The following ITSN2 variants were observed in gnomAD, a reference collection of about 807,000 sequenced individuals.
ITSN2 encodes the protein intersectin-2.
A neutral mutation model predicts 243.7 loss-of-function variants in ITSN2; 156 were observed. That is an observed-to-expected ratio of 0.64 (90% confidence interval 0.56 to 0.73). The LOEUF (loss-of-function observed/expected upper bound fraction) is 0.73. Ranked by LOEUF, ITSN2 falls within the 30% of genes least tolerant of loss-of-function variation. ITSN2 has a pLI of 0.00. For missense variants in ITSN2, 1,801 were observed against 1,996.1 expected (o/e 0.90, Z 1.86); for synonymous variants, 703 against 699.9 (o/e 1.00, Z -0.07).
At chr2:24,308,300 T>C (rs777816633) in intron 8 of ITSN2, among the ~76,000 whole-genome samples, 3 of 152,222 alleles carry the variant, frequency 2.0e-5, no homozygotes, top group Non-Finnish European at 4.4e-5. Context: ...CACTCTCTCT[T>C]GTGACCCGTG....
intron 1 of ITSN2, among the ~76,000 whole-genome samples, 176 bp from the exon 2 acceptor site, chr2:24,328,291 A>G (rs905868196): frequency 3.9e-5 from 6 of 152,152 alleles, no homozygotes; most frequent in Non-Finnish European, 7.4e-5. Context: ...AGGGTAAGAG[A>G]TTTTGTTGGG....
rs1191886593 is a variant in ITSN2 at position 24,301,946 on chromosome 2, C to T, written c.995+19G>A. 2.5e-6 allele frequency: 4 copies of T among 1,592,360 alleles called. No individual in the cohort carries two copies. In the South Asian group the frequency reaches 4.6e-5, roughly 18 times the overall value. The stretch of plus-strand genomic sequence containing the variant: ...CCAAGTTATCAAAACCATAGTTCTC[C>T]ACCTCCAGGCACACTCACCTGAAAG... On this transcript the variant is annotated intron_variant, in intron 10 of 39. Coordinates refer to ENST00000355123, the MANE Select transcript of ITSN2 (RefSeq NM_006277.3).
At chr2:24,308,390 T>A (rs1181647181) in intron 8 of ITSN2, among the ~76,000 whole-genome samples, 1 of 152,236 alleles carries the variant, frequency 6.6e-6, no homozygotes, top group East Asian at 1.9e-4. Flanking sequence ...TGGGGGTATA[T>A]CTGGTGCCCG....
At chr2:24,316,012 C>G (rs1195006412) in intron 2 of ITSN2, among the ~76,000 whole-genome samples, 1 of 152,268 alleles carries the variant, frequency 6.6e-6, no homozygotes, top group East Asian at 1.9e-4. Flanking sequence ...AAAGGTAACA[C>G]TGAGGCAGAG....
intron 20 of ITSN2, among the ~76,000 whole-genome samples, chr2:24,265,524 T>C (rs1676561173): frequency 6.6e-6 from 1 of 152,224 alleles, no homozygotes; most frequent in African/African-American, 2.4e-5. Context: ...TAGATTATCA[T>C]GTCTTCTGCA....
intron 1 of ITSN2, among the ~76,000 whole-genome samples, chr2:24,351,679 G>C (rs76624327): frequency 6.6e-6 from 1 of 152,092 alleles, no homozygotes; most frequent in African/African-American, 2.4e-5. Context: ...TGCATTGCCC[G>C]CATCTGTCCC....
intron 21 of ITSN2, 131 bp downstream of exon 21, chr2:24,261,430 G>A: frequency 1.1e-6 from 1 of 914,456 alleles, no homozygotes; most frequent in Non-Finnish European, 1.6e-6. Flanking sequence ...TATTAAATCT[G>A]GAACAAAAAG....
chr2:24,243,146 A>T (rs1441406574), intron 29 of ITSN2, among the ~76,000 whole-genome samples: 1 of 152,196 alleles, frequency 6.6e-6, no homozygotes, highest in East Asian at 1.9e-4. Flanking sequence ...TTCTTTCTCC[A>T]CAAAGATTTA....
At chr2:24,350,968 G>T (rs749708650) in intron 1 of ITSN2, among the ~76,000 whole-genome samples, 1 of 152,084 alleles carries the variant, frequency 6.6e-6, no homozygotes, top group Non-Finnish European at 1.5e-5. Context: ...AAAAAACACT[G>T]AACTGTAAAC....
intron 1 of ITSN2, among the ~76,000 whole-genome samples, chr2:24,340,546 G>C (rs1193167438): frequency 6.6e-6 from 1 of 151,624 alleles, no homozygotes; most frequent in Non-Finnish European, 1.5e-5. Flanking sequence ...CAAAATCGTC[G>C]CAGTCCCCAA....
intron 1 of ITSN2, 84 bp downstream of exon 1, chr2:24,360,220 C>G (rs866296038): frequency 6.6e-6 from 1 of 152,496 alleles, no homozygotes; most frequent in African/African-American, 2.4e-5. Context: ...CGCCTCAGCC[C>G]GACCCGCAGA....
intron 1 of ITSN2, among the ~76,000 whole-genome samples, chr2:24,330,890 C>T (rs549312180): frequency 6.6e-6 from 1 of 151,956 alleles, no homozygotes; most frequent in African/African-American, 2.4e-5. Flanking sequence ...CCTCAGCCTC[C>T]TGAGTAGCTG....
Position 24,315,581 on chromosome 2 carries a change from T to A in ITSN2, c.32-357A>T, listed in dbSNP as rs72793217. On this transcript the variant is annotated intron_variant, in intron 2 of 39. Transcript: ENST00000355123. Reference sequence around the variant, plus strand: ...AAAAATCCTAAGCAGAACTATATACTGCCATAGTTTAGCCCTGTGTCCCCA... The same window carrying A: ...AAAAATCCTAAGCAGAACTATATACAGCCATAGTTTAGCCCTGTGTCCCCA... Among the ~76,000 whole-genome samples, 383 of 152,346 alleles carry A rather than the reference T, an allele frequency of 2.5e-3. 1 individual carries two copies. Among genetic ancestry groups the A allele is most frequent in the Non-Finnish European group, 4.1e-3 (282 of 68,026 alleles).
intron 15 of ITSN2, chr2:24,293,111 C>G (rs1204363119): frequency 1.3e-5 from 2 of 151,992 alleles, no homozygotes; most frequent in Non-Finnish European, 2.9e-5. Flanking sequence ...CTCATTGGGA[C>G]CTGAGCAAAA....
intron 20 of ITSN2, among the ~76,000 whole-genome samples, chr2:24,266,193 C>T (rs555809705): frequency 2.6e-5 from 4 of 152,248 alleles, no homozygotes; most frequent in African/African-American, 9.6e-5. Context: ...ACAGTACTTA[C>T]TCATATAAAT....
At chr2:24,282,445 C>A (rs1289871594) in intron 17 of ITSN2, among the ~76,000 whole-genome samples, 2 of 152,220 alleles carry the variant, frequency 1.3e-5, no homozygotes, top group Admixed American at 1.3e-4. Flanking sequence ...ATTCTCCAAG[C>A]CCACGTGTGA....
At position 24,271,954 on chromosome 2, in the gene ITSN2, G is replaced by T; in HGVS notation, c.2082-13C>A. On this transcript the variant is annotated splice_polypyrimidine_tract_variant and intron_variant, in intron 18 of 39. Transcript: ENST00000355123. ...TTGCTTTGCTTTCCTTTACATAAAAGAAAAAGAGTTTGTATAATGTCCTAG... is the reference window on the plus strand; with the variant it reads ...TTGCTTTGCTTTCCTTTACATAAAATAAAAAGAGTTTGTATAATGTCCTAG... 2 of 1,382,808 alleles carry T rather than the reference G, an allele frequency of 1.4e-6. No individual in the cohort carries two copies. Among genetic ancestry groups the T allele is most frequent in the East Asian group, 3.0e-5 (1 of 33,848 alleles). The allele number at this position is 1,382,808 out of a possible 1,614,324, so 85.7% of individuals were successfully genotyped here.
chr2:24,328,248 T>C (rs1191438089), intron 1 of ITSN2, 133 bp from the exon 2 acceptor site: 2 of 604,994 alleles, frequency 3.3e-6, no homozygotes, highest in African/African-American at 3.7e-5. Context: ...GAGCTTCTGC[T>C]GCTGCTGAAC....
chr2:24,299,765 T>G (rs575130784), intron 12 of ITSN2, 144 bp downstream of exon 12: 3 of 694,540 alleles, frequency 4.3e-6, no homozygotes, highest in South Asian at 4.0e-5. Flanking sequence ...GAAGGAATGA[T>G]CAGATTTGTA....
Sources: allele counts gnomAD v4.1 joint callset (sites outside exome capture counted in the v4.1 genomes callset), GRCh38; gene constraint gnomAD v4.1.1; transcripts MANE v1.5; gene names NCBI Gene and HGNC (gene_info 2026-07-23, HGNC 2026-07-21).